RBFOX1: variants seen among roughly 807,000 people sequenced by gnomAD.
RBFOX1 encodes the protein RNA binding protein fox-1 homolog 1.
In RBFOX1, 8 loss-of-function variants were observed where a neutral mutation model predicts 57.7. The observed-to-expected ratio is 0.14, with a 90% CI of 0.08 to 0.25. RBFOX1 has a LOEUF of 0.25. Ranked by LOEUF, RBFOX1 falls within the 10% of genes least tolerant of loss-of-function variation. RBFOX1 has a pLI of 1.00. For synonymous variants in RBFOX1, 326 were observed against 222.4 expected (o/e 1.47, Z -4.15); for missense variants, 611 against 548.5 (o/e 1.11, Z -1.14).
In RBFOX1 at chr16:6,061,909, G is replaced by T. The variant is rs546754621; in HGVS notation, c.-127+41917G>T. On this transcript the variant is annotated intron_variant, in intron 1 of 15. Coordinates refer to ENST00000550418, the MANE Select transcript of RBFOX1 (RefSeq NM_018723.4). ...CACAGATTAAGGATTCTGCCGCCAA[G>T]ACTGCCCCCACTTTGGACTCCAGTT... is the stretch of plus-strand genomic sequence containing the variant. Among the ~76,000 whole-genome samples the T allele has an allele frequency of 2.0e-5, 3 of 152,218 alleles. No homozygotes were observed. In the East Asian group the frequency reaches 5.8e-4, roughly 29 times the overall value.
chr16:5,574,758 C>T (rs1210088023), intron 2 of RBFOX1, among the ~76,000 whole-genome samples: 1 of 152,158 alleles, frequency 6.6e-6, no homozygotes, highest in Admixed American at 6.6e-5. Context: ...CTGTGCATCT[C>T]TGAGGTCCAT....
intron 1 of RBFOX1, among the ~76,000 whole-genome samples, chr16:6,260,311 C>G (rs1405205923): frequency 1.3e-5 from 2 of 152,228 alleles, no homozygotes; most frequent in East Asian, 1.9e-4. Context: ...TACTTTCTAC[C>G]TGCCTGTCTC....
intron 2 of RBFOX1, among the ~76,000 whole-genome samples, chr16:5,500,139 TCCCTCCTTCCCTTCCTC>T (rs2043139225): frequency 7.4e-6 from 1 of 135,764 alleles, no homozygotes. Context: ...CTTCCCTCCT[TCCCTCCTTCCCTTCCTC>T]CCCTCCCACT....
intron 5 of RBFOX1, among the ~76,000 whole-genome samples, chr16:7,524,667 G>T (rs574245087): frequency 6.6e-6 from 1 of 152,302 alleles, no homozygotes; most frequent in African/African-American, 2.4e-5. Context: ...TCCTGAGCTG[G>T]AGGCTCTACT....
chr16:6,968,359 C>T (rs200002221), intron 3 of RBFOX1, among the ~76,000 whole-genome samples: 1 of 152,110 alleles, frequency 6.6e-6, no homozygotes, highest in Non-Finnish European at 1.5e-5. Context: ...CTTCTTTTTT[C>T]TTCACTTATT....
At chr16:5,941,854 C>T (rs12449107) in intron 4 of RBFOX1, among the ~76,000 whole-genome samples, 5,194 of 151,990 alleles carry the variant, frequency 0.034, 119 homozygotes, top group Non-Finnish European at 0.051. Context: ...GTATGGATGA[C>T]GCAGTACATC....
intron 2 of RBFOX1, among the ~76,000 whole-genome samples, chr16:6,319,454 G>C (rs2081502231): frequency 6.6e-6 from 1 of 152,138 alleles, no homozygotes; most frequent in Non-Finnish European, 1.5e-5. Context: ...TGGTCGAACA[G>C]GTACAACAAT....
intron 4 of RBFOX1, among the ~76,000 whole-genome samples, chr16:7,162,497 A>T (rs568986900): frequency 6.7e-6 from 1 of 148,230 alleles, no homozygotes; most frequent in South Asian, 2.3e-4. Flanking sequence ...TGAGAGGTTG[A>T]GGGGGATAGA....
intron 1 of RBFOX1, among the ~76,000 whole-genome samples, chr16:5,322,071 G>T (rs1352963713): frequency 1.3e-5 from 2 of 152,062 alleles, no homozygotes; most frequent in Non-Finnish European, 2.9e-5. Flanking sequence ...GTTTCACAAG[G>T]CCTCAAAAAT....
chr16:7,621,967 T>C (rs999500900), intron 10 of RBFOX1, among the ~76,000 whole-genome samples: 7 of 152,256 alleles, frequency 4.6e-5, no homozygotes, highest in African/African-American at 1.4e-4. Context: ...ACTTATTAGA[T>C]ACTGAAACTT....
At position 7,278,969 on chromosome 16, in the gene RBFOX1, T is replaced by C. The variant is rs1398477463; in HGVS notation, c.27+226871T>C. 2.6e-5 allele frequency among the ~76,000 whole-genome samples: 4 copies of C among 152,228 alleles called. No homozygotes were observed. In the East Asian group the frequency reaches 7.7e-4, roughly 29 times the overall value. On this transcript the variant is annotated intron_variant, in intron 4 of 15. Coordinates refer to ENST00000550418, the MANE Select transcript of RBFOX1 (RefSeq NM_018723.4). ...TTTCTTCTGGCTTTTTTTTCCTTCT[T>C]AAAAAATATTTGATTATATTTCTCT... is the stretch of plus-strand genomic sequence containing the variant.
At chr16:5,701,407 G>C (rs2051043096) in intron 3 of RBFOX1, among the ~76,000 whole-genome samples, 1 of 152,166 alleles carries the variant, frequency 6.6e-6, no homozygotes. Flanking sequence ...TTGTCTCCAA[G>C]GAGTGCTCTC....
chr16:6,523,581 G>C (rs1159144058), intron 2 of RBFOX1, among the ~76,000 whole-genome samples: 1 of 152,150 alleles, frequency 6.6e-6, no homozygotes, highest in Non-Finnish European at 1.5e-5. Context: ...CTTTCAGTCT[G>C]TATTATGAGT....
intron 4 of RBFOX1, among the ~76,000 whole-genome samples, chr16:7,168,745 C>G (rs2080079020): frequency 6.6e-6 from 1 of 152,142 alleles, no homozygotes; most frequent in South Asian, 2.1e-4. Context: ...ATCCATAACA[C>G]ATTATTTATT....
intron 2 of RBFOX1, among the ~76,000 whole-genome samples, chr16:6,328,276 G>C (rs565551700): frequency 1.3e-5 from 2 of 152,236 alleles, no homozygotes; most frequent in Non-Finnish European, 2.9e-5. Context: ...GGGCACTGGA[G>C]GGGAAAGGGT....
intron 1 of RBFOX1, among the ~76,000 whole-genome samples, chr16:6,312,201 AC>A (rs1391351731): frequency 3.9e-5 from 6 of 152,178 alleles, no homozygotes; most frequent in Admixed American, 3.9e-4. Flanking sequence ...CTTACACAGC[AC>A]AGGAGCACAG....
At chr16:5,921,159 G>A (rs866116154) in intron 4 of RBFOX1, among the ~76,000 whole-genome samples, 1 of 152,166 alleles carries the variant, frequency 6.6e-6, no homozygotes, top group East Asian at 1.9e-4. Flanking sequence ...GAATGCTAAG[G>A]CCATAGAAAG....
intron 2 of RBFOX1, among the ~76,000 whole-genome samples, chr16:6,454,703 G>A (rs1380597348): frequency 6.6e-6 from 1 of 152,054 alleles, no homozygotes; most frequent in African/African-American, 2.4e-5. Context: ...TTGATAGAGT[G>A]ACCTTAGGAA....
At chr16:6,561,859 A>G (rs373573717) in intron 2 of RBFOX1, among the ~76,000 whole-genome samples, 1 of 152,190 alleles carries the variant, frequency 6.6e-6, no homozygotes. Flanking sequence ...CACAAGTTGG[A>G]TTCTGGTGAA....
Sources: gnomAD v4.1 joint callset for allele counts (sites outside exome capture counted in the v4.1 genomes callset) on GRCh38, gnomAD v4.1.1 for gene constraint, MANE v1.5 for transcripts, NCBI Gene and HGNC (gene_info 2026-07-23, HGNC 2026-07-21) for gene names.